The following CIMIP7 variants were observed in gnomAD, a reference collection of about 807,000 sequenced individuals.
The protein encoded by CIMIP7 is ciliary microtubule inner protein 7.
At chr3:49,191,248 T>C in the CIMIP7 span, among the ~76,000 whole-genome samples, 1 of 152,300 alleles carries the variant, frequency 6.6e-6, no homozygotes, top group Admixed American at 6.5e-5. Context: ...GCCTCATATC[T>C]TTCCATCCCA....
chr3:49,179,395 T>C, the CIMIP7 span, among the ~76,000 whole-genome samples: 2 of 152,196 alleles, frequency 1.3e-5, no homozygotes, highest in Non-Finnish European at 2.9e-5. Flanking sequence ...AGTACATAAA[T>C]GAGATCACAT....
chr3:49,182,035 C>T, the CIMIP7 span, among the ~76,000 whole-genome samples: 39 of 151,826 alleles, frequency 2.6e-4, no homozygotes, highest in Non-Finnish European at 4.9e-4. Flanking sequence ...TGGAGTTGTT[C>T]GTTCCTCCGG....
the CIMIP7 span, among the ~76,000 whole-genome samples, chr3:49,186,223 T>C: frequency 6.6e-6 from 1 of 151,560 alleles, no homozygotes; most frequent in Non-Finnish European, 1.5e-5. Flanking sequence ...GGTCTTGAAC[T>C]CCCGACCTCA....
the CIMIP7 span, among the ~76,000 whole-genome samples, chr3:49,181,701 C>T: frequency 1.3e-5 from 2 of 152,182 alleles, no homozygotes; most frequent in African/African-American, 2.4e-5. Context: ...GGAAGTCTCT[C>T]AACTCAACAG....
At chr3:49,189,910 T>A in the CIMIP7 span, 1 of 816,020 alleles carries the variant, frequency 1.2e-6, no homozygotes, top group Non-Finnish European at 2.2e-6. Context: ...AGGTAAAGCC[T>A]GTCCCAGGGA....
At chr3:49,185,574 A>G in the CIMIP7 span, among the ~76,000 whole-genome samples, 1 of 152,260 alleles carries the variant, frequency 6.6e-6, no homozygotes, top group East Asian at 1.9e-4. Flanking sequence ...AAACAAAACA[A>G]AAAAACAACA....
chr3:49,180,511 G>A, the CIMIP7 span, among the ~76,000 whole-genome samples: 1 of 152,180 alleles, frequency 6.6e-6, no homozygotes, highest in Admixed American at 6.5e-5. Context: ...ATCTGGTGAG[G>A]TCAGGCTTGG....
chr3:49,189,095 G>T, the CIMIP7 span, among the ~76,000 whole-genome samples: 7 of 151,674 alleles, frequency 4.6e-5, no homozygotes, highest in Non-Finnish European at 7.4e-5. Flanking sequence ...TTAGCCTCCC[G>T]AATAGCTGGG....
chr3:49,190,663 A>ATTTT, the CIMIP7 span, among the ~76,000 whole-genome samples: 326 of 99,960 alleles, frequency 3.3e-3, 11 homozygotes, highest in African/African-American at 0.011. Context: ...GCCAGGCTGA[A>ATTTT]TTTTTTTTTT....
At chr3:49,191,668 T>C in the CIMIP7 span, 27 of 1,505,868 alleles carry the variant, frequency 1.8e-5, no homozygotes, top group Non-Finnish European at 2.4e-5. Flanking sequence ...CCTTTTCACT[T>C]CACCGGCATG....
the CIMIP7 span, among the ~76,000 whole-genome samples, chr3:49,182,736 T>C: frequency 6.6e-6 from 1 of 152,066 alleles, no homozygotes; most frequent in East Asian, 1.9e-4. Context: ...TTGGGGAGGC[T>C]CGGGCTGCAC....
the CIMIP7 span, among the ~76,000 whole-genome samples, chr3:49,181,571 T>C: frequency 1.3e-5 from 2 of 152,008 alleles, no homozygotes; most frequent in African/African-American, 2.4e-5. Flanking sequence ...AGTGGAAGGA[T>C]CACATGAGCT....
At chr3:49,181,130 C>T in the CIMIP7 span, among the ~76,000 whole-genome samples, 1 of 151,294 alleles carries the variant, frequency 6.6e-6, no homozygotes, top group African/African-American at 2.4e-5. Context: ...TCACTTGAAG[C>T]CAGGAATTCG....
chr3:49,187,524 G>C, the CIMIP7 span, among the ~76,000 whole-genome samples: 1 of 152,038 alleles, frequency 6.6e-6, no homozygotes, highest in Non-Finnish European at 1.5e-5. Context: ...AACCAGACAG[G>C]ATTCCTGTCC....
the CIMIP7 span, chr3:49,177,876 C>T: frequency 6.2e-7 from 1 of 1,613,832 alleles, no homozygotes; most frequent in Non-Finnish European, 8.5e-7. Flanking sequence ...GGATGAGGTG[C>T]TGGGGGAGGC....
chr3:49,183,466 G>C, the CIMIP7 span, among the ~76,000 whole-genome samples: 1 of 152,202 alleles, frequency 6.6e-6, no homozygotes. Context: ...TGGATAACCT[G>C]AGGTCAGGAG....
chr3:49,184,318 TATTTA>T, the CIMIP7 span, among the ~76,000 whole-genome samples: 172 of 152,262 alleles, frequency 1.1e-3, no homozygotes, highest in African/African-American at 4.0e-3. Flanking sequence ...ATTTCAATTT[TATTTA>T]ATTTAATTTA....
chr3:49,186,404 ATTT>A, the CIMIP7 span, among the ~76,000 whole-genome samples: 1 of 131,258 alleles, frequency 7.6e-6, no homozygotes, highest in Admixed American at 7.7e-5. Flanking sequence ...CACCTGGCTA[ATTT>A]TTTTTTTTTT....
chr3:49,181,671 C>T, the CIMIP7 span, among the ~76,000 whole-genome samples: 49 of 152,284 alleles, frequency 3.2e-4, no homozygotes, highest in African/African-American at 1.2e-3. Flanking sequence ...ATATATCCAA[C>T]AGAGGACTAG....
Sources: allele counts gnomAD v4.1 joint callset (sites outside exome capture counted in the v4.1 genomes callset), GRCh38; gene constraint gnomAD v4.1.1; transcripts MANE v1.5; gene names NCBI Gene and HGNC (gene_info 2026-07-23, HGNC 2026-07-21).